STK3: variants seen among roughly 807,000 people sequenced by gnomAD.
STK3 encodes the protein serine/threonine kinase 3, also known as serine/threonine-protein kinase 3.
A neutral mutation model predicts 58.0 loss-of-function variants in STK3; 41 were observed. The ratio of observed to expected loss-of-function variants is 0.71; its 90% CI spans 0.55 to 0.92. The LOEUF is 0.92. Among genes scored for constraint, STK3 ranks in the 40% least tolerant of loss-of-function variants. STK3 has a pLI of 0.00. For synonymous variants in STK3, 170 were observed against 191.0 expected (o/e 0.89, Z 0.91); for missense variants, 479 against 602.7 (o/e 0.79, Z 2.15).
chr8:98,763,469 A>G (rs984598345), intron 3 of STK3, among the ~76,000 whole-genome samples: 3 of 152,234 alleles, frequency 2.0e-5, no homozygotes, highest in Admixed American at 2.0e-4. Flanking sequence ...AGCTGAATGT[A>G]TTAAGAAAAT....
intron 1 of STK3, among the ~76,000 whole-genome samples, chr8:98,807,122 C>G (rs559994926): frequency 4.7e-5 from 7 of 147,934 alleles, no homozygotes; most frequent in African/African-American, 1.8e-4. Context: ...CCACTGCACT[C>G]CAGCCTGGGC....
chr8:98,769,334 G>A (rs188484313), intron 2 of STK3, among the ~76,000 whole-genome samples: 2 of 152,192 alleles, frequency 1.3e-5, no homozygotes, highest in East Asian at 1.9e-4. Context: ...TGAATCATGG[G>A]GGCAGGTCTT....
intron 1 of STK3, among the ~76,000 whole-genome samples, chr8:98,820,748 C>T (rs572627459): frequency 1.3e-4 from 20 of 149,640 alleles, no homozygotes; most frequent in South Asian, 4.1e-4. Flanking sequence ...GAGGCCAAGG[C>T]GGGTGGATCA....
At chr8:98,869,781 CATT>C (rs1837299457) in intron 3 of STK3, among the ~76,000 whole-genome samples, 1 of 145,814 alleles carries the variant, frequency 6.9e-6, no homozygotes, top group Non-Finnish European at 1.5e-5. Context: ...AAATAAATAT[CATT>C]GTCTTTGAAG....
In STK3 at chr8:98,598,882, G is replaced by C. The variant is rs148937427; in HGVS notation, c.685-2713C>G. 2.0e-3 allele frequency: 2,006 copies of C among 985,402 alleles called. 28 individuals are homozygous for C. In the African/African-American group the frequency reaches 0.032, roughly 16 times the overall value. The allele number at this position is 985,402 out of a possible 1,614,324, so 61.0% of individuals were successfully genotyped here. A position where few individuals can be genotyped will look rare whatever the true frequency, so the allele number is the denominator to read the frequency against. ...AAAAGAACTACTCTGATCACAAGCA[G>C]TTTAATAACGCAAGAAATCTAGGTG... is the stretch of plus-strand genomic sequence containing the variant. On this transcript the variant is annotated intron_variant, in intron 6 of 10. Coordinates refer to ENST00000419617, the MANE Select transcript of STK3 (RefSeq NM_006281.4).
intron 1 of STK3, chr8:98,904,794 G>A: frequency 1.5e-6 from 1 of 665,996 alleles, no homozygotes; most frequent in East Asian, 3.9e-5. Flanking sequence ...GGCCGGAGCG[G>A]CAGCCATAGT....
chr8:98,693,919 T>TA (rs1824620235), intron 6 of STK3, among the ~76,000 whole-genome samples: 1 of 152,208 alleles, frequency 6.6e-6, no homozygotes, highest in East Asian at 1.9e-4. Context: ...TTTTAAATAT[T>TA]AAAAAACGGT....
chr8:98,455,685 G>T lies in STK3; in HGVS notation c.*157C>A. On this transcript the variant is annotated 3_prime_UTR_variant, in exon 11 of 11. Transcript: ENST00000419617. Reference sequence around the variant, plus strand: ...CACAGCAGATACAACTGTCAATTCTGCCTTTTGGGAATTTACCTGGGCATG... The same window carrying T: ...CACAGCAGATACAACTGTCAATTCTTCCTTTTGGGAATTTACCTGGGCATG... 1 of 779,172 alleles carries T rather than the reference G, an allele frequency of 1.3e-6. No homozygotes were observed. Among genetic ancestry groups the T allele is most frequent in the Non-Finnish European group, 2.0e-6 (1 of 496,204 alleles). The allele number at this position is 779,172 out of a possible 1,614,324, so 48.3% of individuals were successfully genotyped here. A position where few individuals can be genotyped will look rare whatever the true frequency, so the allele number is the denominator to read the frequency against.
chr8:98,740,083 A>G (rs1401560622), intron 4 of STK3, among the ~76,000 whole-genome samples: 2 of 152,354 alleles, frequency 1.3e-5, no homozygotes, highest in Admixed American at 6.5e-5. Flanking sequence ...TCCAAGAAAT[A>G]TGGGACTATG....
intron 6 of STK3, among the ~76,000 whole-genome samples, chr8:98,630,034 C>T (rs1819060576): frequency 6.6e-6 from 1 of 152,088 alleles, no homozygotes; most frequent in South Asian, 2.1e-4. Flanking sequence ...GCCTCCTTAC[C>T]CTGCCTCGCC....
At chr8:98,539,190 C>A (rs1338145729) in intron 9 of STK3, among the ~76,000 whole-genome samples, 4 of 152,022 alleles carry the variant, frequency 2.6e-5, no homozygotes, top group African/African-American at 9.7e-5. Context: ...CAAGGCTGTA[C>A]GATTCTGGGA....
upstream of STK3, among the ~76,000 whole-genome samples, chr8:98,389,969 A>T (rs1028850775): frequency 1.3e-5 from 2 of 152,026 alleles, no homozygotes; most frequent in Non-Finnish European, 2.9e-5. Context: ...TTTCTGCATG[A>T]GCCCCCCTTT....
At chr8:98,875,049 A>G (rs1837519703) in intron 3 of STK3, among the ~76,000 whole-genome samples, 3 of 152,172 alleles carry the variant, frequency 2.0e-5, no homozygotes, top group Admixed American at 6.6e-5. Flanking sequence ...TGCACTACAT[A>G]TTTTTCTGAA....
At chr8:98,616,491 G>T (rs1480777153) in intron 6 of STK3, among the ~76,000 whole-genome samples, 1 of 145,900 alleles carries the variant, frequency 6.9e-6, no homozygotes, top group African/African-American at 2.5e-5. Context: ...TGGACTAAAT[G>T]CTCCAATTAA....
intron 8 of STK3, among the ~76,000 whole-genome samples, chr8:98,565,836 T>A (rs187591228): frequency 5.3e-4 from 81 of 152,302 alleles, no homozygotes; most frequent in Middle Eastern, 3.4e-3. Context: ...CAACTCATGC[T>A]AAAGATTTGG....
At chr8:98,546,903 A>G (rs1270885212) in intron 9 of STK3, among the ~76,000 whole-genome samples, 1 of 152,166 alleles carries the variant, frequency 6.6e-6, no homozygotes, top group Admixed American at 6.6e-5. Context: ...ATAGTGGGCT[A>G]CACAGAACTA....
intron 6 of STK3, among the ~76,000 whole-genome samples, chr8:98,659,261 AT>A (rs1213926830): frequency 6.6e-6 from 1 of 152,074 alleles, no homozygotes; most frequent in African/African-American, 2.4e-5. Flanking sequence ...TTAACAGGAT[AT>A]TTCAGAAGAT....
At chr8:98,469,445 G>C (rs1318377809) in intron 10 of STK3, among the ~76,000 whole-genome samples, 1 of 152,174 alleles carries the variant, frequency 6.6e-6, no homozygotes, top group Non-Finnish European at 1.5e-5. Flanking sequence ...TCTTGCAAAG[G>C]CAGCAAGGCT....
intron 6 of STK3, among the ~76,000 whole-genome samples, chr8:98,695,002 T>C (rs1039677940): frequency 6.6e-6 from 1 of 152,200 alleles, no homozygotes; most frequent in African/African-American, 2.4e-5. Flanking sequence ...CCACATCCTC[T>C]CCAGCACCTG....
Sources: gnomAD v4.1 joint callset for allele counts (sites outside exome capture counted in the v4.1 genomes callset) on GRCh38, gnomAD v4.1.1 for gene constraint, MANE v1.5 for transcripts, NCBI Gene and HGNC (gene_info 2026-07-23, HGNC 2026-07-21) for gene names.